Variants in CDKL2 observed in about 807,000 individuals in gnomAD.
CDKL2 encodes cyclin-dependent kinase-like 2.
A neutral mutation model predicts 63.9 loss-of-function variants in CDKL2; 64 were observed. The ratio of observed to expected loss-of-function variants is 1.00; its 90% CI spans 0.82 to 1.23. CDKL2 has a LOEUF of 1.23. Ranked by LOEUF, CDKL2 falls within the 50% of genes most tolerant of loss-of-function variation. CDKL2 has a pLI of 0.00. For synonymous variants in CDKL2, 211 were observed against 229.2 expected, an observed-to-expected ratio of 0.92 and a Z score of 0.72; for missense variants, 656 against 668.0, an observed-to-expected ratio of 0.98 and a Z score of 0.20.
chr4:75,603,810 T>C lies in CDKL2; in HGVS notation c.795+7A>G. ...TGTCATAAAGTGTAAACAATAAGTA[T>C]GATTACCTTTGCTAAATCTATCACC... On this transcript the variant is annotated splice_region_variant and intron_variant, in intron 6 of 13. Coordinates refer to ENST00000307465, the MANE Select transcript of CDKL2 (RefSeq NM_001330724.2). The C allele has an allele frequency of 6.3e-7, 1 of 1,594,156 alleles. No individual in the cohort carries two copies. The highest frequency in any genetic ancestry group is 8.5e-7 in the Non-Finnish European group (1 of 1,174,236).
chr4:75,582,966 A>G (rs1728322781), intron 12 of CDKL2, among the ~76,000 whole-genome samples: 1 of 152,218 alleles, frequency 6.6e-6, no homozygotes, highest in Non-Finnish European at 1.5e-5. Context: ...TTCAAGAATT[A>G]AAGTAAAATA....
intron 7 of CDKL2, among the ~76,000 whole-genome samples, chr4:75,599,561 A>AAAAG (rs1436416799): frequency 6.6e-6 from 1 of 151,088 alleles, no homozygotes; most frequent in East Asian, 1.9e-4. Flanking sequence ...AAAAAAAAAA[A>AAAAG]AAAAAAAAAG....
At chr4:75,623,191 A>C (rs189222409) in intron 2 of CDKL2, among the ~76,000 whole-genome samples, 114 of 152,264 alleles carry the variant, frequency 7.5e-4, no homozygotes, top group Non-Finnish European at 1.5e-3. Flanking sequence ...AAGTGGGAGA[A>C]TCACTTGAGC....
At chr4:75,580,867 A>AT (rs1455278830) in intron 13 of CDKL2, among the ~76,000 whole-genome samples, 9 of 150,050 alleles carry the variant, frequency 6.0e-5, no homozygotes, top group African/African-American at 9.8e-5. Context: ...CACCCGGCTA[A>AT]TTTTTTGTAT....
chr4:75,622,336 CAG>C (rs1425734605), intron 2 of CDKL2, among the ~76,000 whole-genome samples: 1 of 151,944 alleles, frequency 6.6e-6, no homozygotes, highest in Non-Finnish European at 1.5e-5. Context: ...TCTAACGACA[CAG>C]AAGGTTAATA....
chr4:75,603,164 T>C (rs1221861708), intron 6 of CDKL2, among the ~76,000 whole-genome samples: 1 of 143,788 alleles, frequency 7.0e-6, no homozygotes, highest in East Asian at 2.1e-4. Flanking sequence ...CGCGCCCGGC[T>C]AATTTTTTGT....
intron 2 of CDKL2, among the ~76,000 whole-genome samples, chr4:75,624,693 C>CAA (rs35187061): frequency 4.7e-4 from 63 of 134,372 alleles, no homozygotes; most frequent in Middle Eastern, 3.9e-3. Context: ...TACTAAAATA[C>CAA]AAAAAAAAAA....
chr4:75,590,191 T>A (rs1319326041), intron 12 of CDKL2, among the ~76,000 whole-genome samples: 1 of 151,984 alleles, frequency 6.6e-6, no homozygotes, highest in Non-Finnish European at 1.5e-5. Flanking sequence ...AAGAAGTATA[T>A]AAGAAATGTA....
At chr4:75,600,511 G>C in intron 6 of CDKL2, 142 bp from the exon 7 acceptor site, 1 of 626,204 alleles carries the variant, frequency 1.6e-6, no homozygotes, top group Non-Finnish European at 2.8e-6. Flanking sequence ...AGGCTAGAGT[G>C]CAGTGGTGTG....
chr4:75,588,923 A>G (rs1022843478), intron 12 of CDKL2, among the ~76,000 whole-genome samples: 6 of 152,088 alleles, frequency 3.9e-5, no homozygotes, highest in Non-Finnish European at 7.4e-5. Flanking sequence ...GACTTGTCAA[A>G]AGGAGACAGA....
chr4:75,589,991 A>AG (rs1172707018), intron 12 of CDKL2, among the ~76,000 whole-genome samples: 1 of 151,770 alleles, frequency 6.6e-6, no homozygotes, highest in Non-Finnish European at 1.5e-5. Context: ...CCAAAAAAAA[A>AG]AAAAAAGAGG....
At chr4:75,591,948 A>C (rs1728733117) in intron 11 of CDKL2, 23 bp from the exon 12 acceptor site, 2 of 1,507,226 alleles carry the variant, frequency 1.3e-6, no homozygotes, top group African/African-American at 2.8e-5. Context: ...GACCATAAAC[A>C]CAGTGAAAAT....
intron 4 of CDKL2, among the ~76,000 whole-genome samples, chr4:75,606,730 A>G (rs1325791728): frequency 1.3e-5 from 2 of 152,238 alleles, no homozygotes; most frequent in East Asian, 1.9e-4. Flanking sequence ...GAACTTGTAG[A>G]AAATATTTTA....
At chr4:75,599,792 C>A (rs888192119) in intron 7 of CDKL2, among the ~76,000 whole-genome samples, 1 of 152,222 alleles carries the variant, frequency 6.6e-6, no homozygotes, top group South Asian at 2.1e-4. Flanking sequence ...GTTTCGTCAG[C>A]TGCACTGTTG....
chr4:75,596,958 C>T lies in CDKL2; in HGVS notation c.1299G>A (p.Glu433=). The T allele has an allele frequency of 2.5e-6, 4 of 1,613,994 alleles. No individual in the cohort carries two copies. Among genetic ancestry groups the T allele is most frequent in the Non-Finnish European group, 3.4e-6 (4 of 1,179,860 alleles). Residue 433 remains glutamate (E), a synonymous_variant, in exon 9 of 14, where the codon GAG becomes GAA. Coordinates refer to ENST00000307465, the MANE Select transcript of CDKL2 (RefSeq NM_001330724.2). ...APSINSGMGT[E]TIPIQGYRVD... ...ACCTGTAACCCTGAATTGGTATAGT[C>T]TCAGTCCCCATTCCAGAATTAATGC... is the stretch of plus-strand genomic sequence containing the variant.
intron 6 of CDKL2, among the ~76,000 whole-genome samples, chr4:75,602,690 T>C (rs1011087482): frequency 1.3e-5 from 2 of 151,880 alleles, no homozygotes; most frequent in Admixed American, 6.6e-5. Flanking sequence ...CCCAGCTAAT[T>C]TTTTTGTATT....
At chr4:75,612,540 T>G (rs1164202533) in intron 3 of CDKL2, among the ~76,000 whole-genome samples, 2 of 152,200 alleles carry the variant, frequency 1.3e-5, no homozygotes, top group South Asian at 2.1e-4. Flanking sequence ...ATGTAGGGCA[T>G]TCAGCCACCT....
chr4:75,579,499 C>T (rs984412525), intron 13 of CDKL2, among the ~76,000 whole-genome samples: 6 of 152,130 alleles, frequency 3.9e-5, no homozygotes, highest in African/African-American at 1.4e-4. Context: ...CATGGAGAAA[C>T]CCCATCTCTA....
At chr4:75,598,912 T>G (rs1729056612) in intron 7 of CDKL2, among the ~76,000 whole-genome samples, 1 of 152,176 alleles carries the variant, frequency 6.6e-6, no homozygotes, top group Non-Finnish European at 1.5e-5. Flanking sequence ...ATCTTGTCAC[T>G]TCAAGGAAAA....
Sources: allele counts gnomAD v4.1 joint callset (sites outside exome capture counted in the v4.1 genomes callset), GRCh38; gene constraint gnomAD v4.1.1; transcripts MANE v1.5; gene names NCBI Gene and HGNC (gene_info 2026-07-23, HGNC 2026-07-21).